The following RAB15 variants were observed in gnomAD, a reference collection of about 807,000 sequenced individuals.
The protein encoded by RAB15 is ras-related protein Rab-15.
In RAB15, 13 loss-of-function variants were observed where a neutral mutation model predicts 31.8. The observed-to-expected ratio is 0.41, with a 90% CI of 0.27 to 0.65. The LOEUF (loss-of-function observed/expected upper bound fraction) is 0.65. Ranked by LOEUF, RAB15 falls within the 30% of genes least tolerant of loss-of-function variation. The pLI, the probability that RAB15 is intolerant of heterozygous loss-of-function variation, is 0.32. For synonymous variants in RAB15, 100 were observed against 105.6 expected (o/e 0.95, Z 0.33); for missense variants, 220 against 277.3 (o/e 0.79, Z 1.47).
Position 64,953,572 on chromosome 14 carries a change from G to A in RAB15, c.125-1001C>T, listed in dbSNP as rs560988134. On this transcript the variant is annotated intron_variant, in intron 1 of 6. Coordinates refer to ENST00000533601, the MANE Select transcript of RAB15 (RefSeq NM_001308154.2). The surrounding 1 kb of genome is among the most constrained non-coding windows in gnomAD (Gnocchi z 4.6). ...AAGCTGCCACGAGACACAAGAAACC[G>A]AAGGGATTTGGCAAATGCGTGCAGG... Among the ~76,000 whole-genome samples, 2 of 152,310 alleles carry A rather than the reference G, an allele frequency of 1.3e-5. No individual in the cohort carries two copies. Among genetic ancestry groups the A allele is most frequent in the East Asian group, 1.9e-4 (1 of 5,182 alleles).
In RAB15 at chr14:64,948,795, A is replaced by C; in HGVS notation, c.415-62T>G. 6.9e-7 allele frequency: 1 copy of C among 1,452,768 alleles called. No individual in the cohort carries two copies. The highest frequency in any genetic ancestry group is 9.6e-7 in the Non-Finnish European group (1 of 1,038,598). The allele number at this position is 1,452,768 out of a possible 1,614,324, so 90.0% of individuals were successfully genotyped here. A position where few individuals can be genotyped will look rare whatever the true frequency, so the allele number is the denominator to read the frequency against. ...AGGCAGGGGAGGGGCCCATACAACC[A>C]GGCACAGGCTTCTGCCACTGCACTC... On this transcript the variant is annotated intron_variant, in intron 5 of 6. Transcript: ENST00000533601. This position sits in a 1 kb window ranked among gnomAD's most constrained non-coding sequence, Gnocchi z 7.0.
rs1364295460 is a variant in RAB15 at position 64,948,297 on chromosome 14, C to G, written c.*57G>C. On this transcript the variant is annotated 3_prime_UTR_variant, in exon 7 of 7. Transcript: ENST00000533601. This position sits in a 1 kb window ranked among gnomAD's most constrained non-coding sequence, Gnocchi z 7.0. ...CAGGGCAAAGCCCCGGCTCCCCTGT[C>G]TGCCCACGGGCCTCCTGAGGGAAGA... 1 of 1,438,828 alleles carries G rather than the reference C, an allele frequency of 7.0e-7. No individual in the cohort carries two copies. Among genetic ancestry groups the G allele is most frequent in the African/African-American group, 1.4e-5 (1 of 69,756 alleles). 89.1% of individuals were successfully genotyped at this position (1,438,828 alleles called of 1,614,324 possible).
intron 1 of RAB15, among the ~76,000 whole-genome samples, chr14:64,965,319 T>C (rs757143048): frequency 2.0e-5 from 3 of 151,564 alleles, no homozygotes; most frequent in Admixed American, 6.6e-5. Context: ...ATTAGCCAGG[T>C]GTGGTGGTGC....
At position 64,954,965 on chromosome 14, in the gene RAB15, G is replaced by A. The variant is rs1886460533; in HGVS notation, c.125-2394C>T. ...TGTCCCCAGAGACAGAACTGACAAGGAGACAGGGTACTCCACCGGAAGTGA... is the reference window on the plus strand; with the variant it reads ...TGTCCCCAGAGACAGAACTGACAAGAAGACAGGGTACTCCACCGGAAGTGA... On this transcript the variant is annotated intron_variant, in intron 1 of 6. Transcript: ENST00000533601. This position sits in a 1 kb window ranked among gnomAD's most constrained non-coding sequence, Gnocchi z 4.3. 6.6e-6 allele frequency among the ~76,000 whole-genome samples: 1 copy of A among 152,074 alleles called. No homozygotes were observed. Among genetic ancestry groups the A allele is most frequent in the African/African-American group, 2.4e-5 (1 of 41,392 alleles).
At position 64,954,367 on chromosome 14, in the gene RAB15, C is replaced by T; in HGVS notation, c.125-1796G>A. ...CCCAGTACCTGGCATAGAAGGGAAT[C>T]AAGACATTCTTGTTTCATGATACAG... is the stretch of plus-strand genomic sequence containing the variant. On this transcript the variant is annotated intron_variant, in intron 1 of 6. Coordinates refer to ENST00000533601, the MANE Select transcript of RAB15 (RefSeq NM_001308154.2). The surrounding 1 kb of genome is among the most constrained non-coding windows in gnomAD (Gnocchi z 4.3). 2.0e-6 allele frequency: 2 copies of T among 985,332 alleles called. No homozygotes were observed. Among genetic ancestry groups the T allele is most frequent in the Non-Finnish European group, 2.4e-6 (2 of 829,874 alleles). 61.0% of individuals were successfully genotyped at this position (985,332 alleles called of 1,614,324 possible).
intron 1 of RAB15, among the ~76,000 whole-genome samples, chr14:64,969,013 G>A (rs775011518): frequency 6.6e-6 from 1 of 152,184 alleles, no homozygotes; most frequent in East Asian, 1.9e-4. Flanking sequence ...CAAAAGTACT[G>A]GCCTAGGTGA....
chr14:64,965,351 C>T, intron 1 of RAB15, among the ~76,000 whole-genome samples: 1 of 151,994 alleles, frequency 6.6e-6, no homozygotes, highest in East Asian at 1.9e-4. Flanking sequence ...CCCAGCTACT[C>T]AGGAGGCTGA....
At chr14:64,967,434 A>G (rs1887195100) in intron 1 of RAB15, among the ~76,000 whole-genome samples, 1 of 152,046 alleles carries the variant, frequency 6.6e-6, no homozygotes, top group Non-Finnish European at 1.5e-5. Flanking sequence ...AAAACGTACA[A>G]ACATTAGCTG....
rs761598155 is a variant in RAB15, at chr14:64,948,445, C to A, written c.548G>T (p.Arg183Leu). 1 of 1,613,876 alleles carries A rather than the reference C, an allele frequency of 6.2e-7. No homozygotes were observed. Among genetic ancestry groups the A allele is most frequent in the Non-Finnish European group, 8.5e-7 (1 of 1,179,898 alleles). ...HRKELEGLRM[R>L]ASNELALAEL... The stretch of plus-strand genomic sequence containing the variant: ...TGCCAGTGCCAACTCATTGCTGGCA[C>A]GCATCCGGAGGCCTTCCAGCTCCTT... Residue 183 changes from arginine to leucine, a missense_variant, in exon 7 of 7, where the codon CGT becomes CTT. Transcript: ENST00000533601. The surrounding 1 kb of genome is among the most constrained non-coding windows in gnomAD (Gnocchi z 7.0).
Position 64,953,514 on chromosome 14 carries a change from C to T in RAB15, c.125-943G>A, listed in dbSNP as rs1343183124. Among the ~76,000 whole-genome samples the T allele has an allele frequency of 6.6e-6, 1 of 152,164 alleles. No individual in the cohort carries two copies. The highest frequency in any genetic ancestry group is 1.5e-5 in the Non-Finnish European group (1 of 68,028). ...CGGGAGGGAAAGGAAGCAAAGAGTT[C>T]CCACGCTTCTTCATCCAAGGGCTGG... On this transcript the variant is annotated intron_variant, in intron 1 of 6. Transcript: ENST00000533601. The surrounding 1 kb of genome is among the most constrained non-coding windows in gnomAD (Gnocchi z 4.6).
intron 1 of RAB15, among the ~76,000 whole-genome samples, chr14:64,964,390 T>A (rs548949865): frequency 5.3e-5 from 8 of 151,208 alleles, no homozygotes; most frequent in African/African-American, 2.0e-4. Flanking sequence ...AGCGTGGTGG[T>A]GCGTGCCTGT....
At position 64,945,971 on chromosome 14, in the gene RAB15, T is replaced by C. The variant is rs1422108083; in HGVS notation, c.*2383A>G. 6.6e-6 allele frequency: 1 copy of C among 152,590 alleles called. No individual in the cohort carries two copies. Among genetic ancestry groups the C allele is most frequent in the Non-Finnish European group, 1.5e-5 (1 of 68,060 alleles). The allele number at this position is 152,590 out of a possible 1,614,324, so 9.5% of individuals were successfully genotyped here. A position where few individuals can be genotyped will look rare whatever the true frequency, so the allele number is the denominator to read the frequency against. ...AGCAGGTGGCGTGCCTGGGGCTGGA[T>C]GGAGTCTCAAGACAGCAGGTGCAGA... On this transcript the variant is annotated 3_prime_UTR_variant, in exon 7 of 7. Transcript: ENST00000533601.
chr14:64,951,024 C>T lies in RAB15; in HGVS notation c.324+50G>A, dbSNP rs780739531. ...CCCATCTGGCCCTCGCCTTGCCTTCCCCGGTGAGGCACCCTCTCCACACCC... is the reference window on the plus strand; with the variant it reads ...CCCATCTGGCCCTCGCCTTGCCTTCTCCGGTGAGGCACCCTCTCCACACCC... On this transcript the variant is annotated intron_variant, in intron 4 of 6. Transcript: ENST00000533601. This position sits in a 1 kb window ranked among gnomAD's most constrained non-coding sequence, Gnocchi z 7.2. 1 of 1,613,826 alleles carries T rather than the reference C, an allele frequency of 6.2e-7. No individual in the cohort carries two copies. Among genetic ancestry groups the T allele is most frequent in the Non-Finnish European group, 8.5e-7 (1 of 1,180,002 alleles).
In RAB15 at chr14:64,948,263, G is replaced by C. The variant is rs534468553; in HGVS notation, c.*91C>G. ...TACTCAATAGGGTCATCACACGAGA[G>C]GACAGCAGCAGGGCAAAGCCCCGGC... On this transcript the variant is annotated 3_prime_UTR_variant, in exon 7 of 7. Coordinates refer to ENST00000533601, the MANE Select transcript of RAB15 (RefSeq NM_001308154.2). The surrounding 1 kb of genome is among the most constrained non-coding windows in gnomAD (Gnocchi z 7.0). The C allele has an allele frequency of 7.5e-7, 1 of 1,331,146 alleles. No individual in the cohort carries two copies. The highest frequency in any genetic ancestry group is 1.5e-5 in the South Asian group (1 of 64,730). The allele number at this position is 1,331,146 out of a possible 1,614,324, so 82.5% of individuals were successfully genotyped here. A position where few individuals can be genotyped will look rare whatever the true frequency, so the allele number is the denominator to read the frequency against.
At position 64,971,468 on chromosome 14, in the gene RAB15, C is replaced by T. The variant is rs551521949; in HGVS notation, c.124+485G>A. On this transcript the variant is annotated intron_variant, in intron 1 of 6. Transcript: ENST00000533601. This position sits in a 1 kb window ranked among gnomAD's most constrained non-coding sequence, Gnocchi z 4.1. The stretch of plus-strand genomic sequence containing the variant: ...TGCCCTGGAAACTCGATCCCTGTGG[C>T]CCCTCCGTACGTCCTCTCTTCCCCC... 6.6e-6 allele frequency among the ~76,000 whole-genome samples: 1 copy of T among 152,272 alleles called. No individual in the cohort carries two copies. The highest frequency in any genetic ancestry group is 1.9e-4 in the East Asian group (1 of 5,170).
intron 5 of RAB15, among the ~76,000 whole-genome samples, chr14:64,949,818 C>T (rs1297835042): frequency 1.3e-5 from 2 of 152,056 alleles, no homozygotes; most frequent in Admixed American, 1.3e-4. Context: ...TGGACATTCC[C>T]TCAGCGTCAT....
rs1471068457 is a variant in RAB15 at position 64,952,632 on chromosome 14, G to A, written c.125-61C>T. 2 of 1,241,494 alleles carry A rather than the reference G, an allele frequency of 1.6e-6. No individual in the cohort carries two copies. The highest frequency in any genetic ancestry group is 2.3e-6 in the Non-Finnish European group (2 of 855,480). 76.9% of individuals were successfully genotyped at this position (1,241,494 alleles called of 1,614,324 possible). On this transcript the variant is annotated intron_variant, in intron 1 of 6. Coordinates refer to ENST00000533601, the MANE Select transcript of RAB15 (RefSeq NM_001308154.2). This position sits in a 1 kb window ranked among gnomAD's most constrained non-coding sequence, Gnocchi z 4.2. ...GTACCCACGAGAAATGAACAGGAAA[G>A]GGCCAGGCAATCACACTTGAAAGGT...
chr14:64,971,809 C>A lies in RAB15; in HGVS notation c.124+144G>T, dbSNP rs1013573463. On this transcript the variant is annotated intron_variant, in intron 1 of 6. Transcript: ENST00000533601. This position sits in a 1 kb window ranked among gnomAD's most constrained non-coding sequence, Gnocchi z 4.1. ...TCACCTGCCAAAACCTATGCTCACC[C>A]CGAGATTTATCCCGGACTCCGGCCT... 1 of 786,212 alleles carries A rather than the reference C, an allele frequency of 1.3e-6. No individual in the cohort carries two copies. The highest frequency in any genetic ancestry group is 2.0e-6 in the Non-Finnish European group (1 of 497,592). 48.7% of individuals were successfully genotyped at this position (786,212 alleles called of 1,614,324 possible).
chr14:64,964,250 G>A (rs993695329), intron 1 of RAB15, among the ~76,000 whole-genome samples: 8 of 152,090 alleles, frequency 5.3e-5, no homozygotes, highest in African/African-American at 1.7e-4. Context: ...TAGGCCGGGC[G>A]TGGTGGCTCA....
Sources: allele counts gnomAD v4.1 joint callset (sites outside exome capture counted in the v4.1 genomes callset), GRCh38; gene constraint gnomAD v4.1.1; non-coding constraint Gnocchi (gnomAD v3.1); transcripts MANE v1.5; gene names NCBI Gene and HGNC (gene_info 2026-07-23, HGNC 2026-07-21).